BCL2L13: variants seen among roughly 807,000 people sequenced by gnomAD.
BCL2L13 encodes the protein BCL2 like 13, also known as bcl-2-like protein 13.
Under a neutral mutation model 25.8 loss-of-function variants are expected in BCL2L13, and 13 were observed. The observed-to-expected ratio is 0.50, with a 90% confidence interval of 0.33 to 0.80. BCL2L13 has a LOEUF of 0.80. Ranked by LOEUF, BCL2L13 falls within the 30% of genes least tolerant of loss-of-function variation. The pLI, the probability that BCL2L13 is intolerant of heterozygous loss-of-function variation, is 0.02. For missense variants in BCL2L13, 504 were observed against 574.9 expected (o/e 0.88, Z 1.26); for synonymous variants, 244 against 230.3 (o/e 1.06, Z -0.54).
At chr22:17,633,495 C>T (rs558348460) in intron 1 of BCL2L13, among the ~76,000 whole-genome samples, 21 of 152,236 alleles carry the variant, frequency 1.4e-4, no homozygotes, top group Middle Eastern at 3.4e-3. Context: ...CCTAGATAAG[C>T]CTATTTGTGG....
chr22:17,666,699 T>A (rs979062622), intron 2 of BCL2L13, among the ~76,000 whole-genome samples: 17 of 150,756 alleles, frequency 1.1e-4, no homozygotes, highest in African/African-American at 4.1e-4. Context: ...TTTTTTTTTT[T>A]AAGACAGGGT....
At chr22:17,642,794 T>C (rs2058340369) in intron 1 of BCL2L13, among the ~76,000 whole-genome samples, 1 of 151,632 alleles carries the variant, frequency 6.6e-6, no homozygotes, top group Non-Finnish European at 1.5e-5. Flanking sequence ...ATGGGGTTTT[T>C]CCATGTTGCT....
Position 17,639,852 on chromosome 22 carries a change from CTTT to C in BCL2L13, c.-51+967_-51+969del, listed in dbSNP as rs761839860. On this transcript the variant is annotated intron_variant, in intron 1 of 6. Coordinates refer to ENST00000317582, the MANE Select transcript of BCL2L13 (RefSeq NM_015367.4). ...AGTTGCCACACCCTTCAGATACCTT[CTTT>C]CTTTTTTTTTTTTTTTGAGACAGAG... 8.0e-3 allele frequency among the ~76,000 whole-genome samples: 1,145 copies of C among 143,744 alleles called. 4 individuals are homozygous for C. Among genetic ancestry groups the C allele is most frequent in the Non-Finnish European group, 0.013 (842 of 66,104 alleles). The allele number at this position is 143,744 out of a possible 152,430, so 94.3% of individuals were successfully genotyped here. A position where few individuals can be genotyped will look rare whatever the true frequency, so the allele number is the denominator to read the frequency against.
intron 2 of BCL2L13, among the ~76,000 whole-genome samples, chr22:17,662,058 T>A (rs2587087): frequency 0.87 from 133,036 of 152,174 alleles, 58,469 homozygotes; most frequent in African/African-American, 0.97. Context: ...AATTGACATT[T>A]TTTCAGGGAT....
rs533589244 is a variant in BCL2L13 at position 17,659,656 on chromosome 22, G to A, written c.121+3824G>A. ...AGCCTGGGCGACAGAACGAGACTCCGTCAAAAAACAAAACAAAACAAAACA... is the reference window on the plus strand; with the variant it reads ...AGCCTGGGCGACAGAACGAGACTCCATCAAAAAACAAAACAAAACAAAACA... On this transcript the variant is annotated intron_variant, in intron 2 of 6. Transcript: ENST00000317582. Among the ~76,000 whole-genome samples, 264 of 142,138 alleles carry A rather than the reference G, an allele frequency of 1.9e-3. 10 individuals carry two copies. The highest frequency in any genetic ancestry group is 6.3e-3 in the African/African-American group (249 of 39,366). The allele number at this position is 142,138 out of a possible 152,430, so 93.2% of individuals were successfully genotyped here. A position where few individuals can be genotyped will look rare whatever the true frequency, so the allele number is the denominator to read the frequency against.
intron 5 of BCL2L13, among the ~76,000 whole-genome samples, chr22:17,696,520 G>A (rs980394315): frequency 6.6e-6 from 1 of 152,146 alleles, no homozygotes; most frequent in African/African-American, 2.4e-5. Flanking sequence ...ACATGTGAGT[G>A]TGTCTTGGGG....
At position 17,650,761 on chromosome 22, in the gene BCL2L13, G is replaced by A. The variant is rs993818508; in HGVS notation, c.-50-4901G>A. ...CTTGCTCTGTCACCCAGGCTGGAGT[G>A]CAGTGGTGCAGTCCAGGCTCACTGC... On this transcript the variant is annotated intron_variant, in intron 1 of 6. Coordinates refer to ENST00000317582, the MANE Select transcript of BCL2L13 (RefSeq NM_015367.4). Among the ~76,000 whole-genome samples the A allele has an allele frequency of 3.3e-5, 5 of 152,058 alleles. No homozygotes were observed. The East Asian group carries it at 9.6e-4, about 29-fold the overall frequency.
upstream of BCL2L13, among the ~76,000 whole-genome samples, chr22:17,637,004 G>A (rs2058119401): frequency 6.6e-6 from 1 of 152,158 alleles, no homozygotes; most frequent in South Asian, 2.1e-4. Context: ...CGGGCGCGGT[G>A]GCGCACCCCT....
chr22:17,698,728 GA>G (rs985152243), intron 5 of BCL2L13, among the ~76,000 whole-genome samples: 1 of 151,386 alleles, frequency 6.6e-6, no homozygotes. Flanking sequence ...GACTGTCTCA[GA>G]AAAAAAAGAA....
intron 6 of BCL2L13, among the ~76,000 whole-genome samples, chr22:17,720,063 T>A (rs1022797268): frequency 6.6e-6 from 1 of 152,102 alleles, no homozygotes; most frequent in African/African-American, 2.4e-5. Context: ...TTTGGGATGA[T>A]GGAAATTTTC....
At chr22:17,692,075 C>G (rs1271304056) in intron 4 of BCL2L13, among the ~76,000 whole-genome samples, 1 of 152,124 alleles carries the variant, frequency 6.6e-6, no homozygotes, top group Non-Finnish European at 1.5e-5. Flanking sequence ...ACGTTGAAGG[C>G]AGTATCGTAA....
At chr22:17,706,585 C>A in intron 6 of BCL2L13, 2 of 869,428 alleles carry the variant, frequency 2.3e-6, no homozygotes, top group South Asian at 6.5e-5. Context: ...TTTTCACATG[C>A]GTCTCTGAAG....
intron 6 of BCL2L13, among the ~76,000 whole-genome samples, chr22:17,721,995 T>G (rs1219982444): frequency 6.6e-6 from 1 of 152,210 alleles, no homozygotes; most frequent in African/African-American, 2.4e-5. Flanking sequence ...TCTTGTTACC[T>G]TGCCCCTTAG....
rs553876479 is a variant in BCL2L13, at chr22:17,691,678, T to A, written c.386+2536T>A. Among the ~76,000 whole-genome samples, 3 of 152,290 alleles carry A rather than the reference T, an allele frequency of 2.0e-5. No homozygotes were observed. In the South Asian group the frequency reaches 6.2e-4, roughly 32 times the overall value. On this transcript the variant is annotated intron_variant, in intron 4 of 6. Coordinates refer to ENST00000317582, the MANE Select transcript of BCL2L13 (RefSeq NM_015367.4). ...AAAAAAAAAGAATCTTTTTCCAAAT[T>A]TGATACAGACTTTGGCTTGGAGCAA...
chr22:17,689,042 C>G lies in BCL2L13; in HGVS notation c.286C>G (p.Pro96Ala), dbSNP rs368137051. ...HTSPVFSPAN[P>A]ESSMEDCLAH... ...TTCTCCAGTGTTCAGCCCTGCCAAT[C>G]CAGAAAGCTCAATGGAAGACTGCTT... is the stretch of plus-strand genomic sequence containing the variant. Residue 96 changes from proline to alanine, a missense_variant, in exon 4 of 7, where the codon CCA (proline) becomes GCA (alanine). By Grantham distance (27) the Pro-to-Ala change is conservative (BLOSUM62 -1). Coordinates refer to ENST00000317582, the MANE Select transcript of BCL2L13 (RefSeq NM_015367.4). 2 of 1,614,138 alleles carry G rather than the reference C, an allele frequency of 1.2e-6. No homozygotes were observed. Among genetic ancestry groups the G allele is most frequent in the East Asian group, 2.2e-5 (1 of 44,880 alleles).
At chr22:17,644,725 G>A (rs2058413158) in intron 1 of BCL2L13, among the ~76,000 whole-genome samples, 1 of 151,000 alleles carries the variant, frequency 6.6e-6, no homozygotes, top group African/African-American at 2.5e-5. Flanking sequence ...GGGTGTTTTG[G>A]TTTTCGTTCT....
chr22:17,674,202 G>T (rs541499737), intron 2 of BCL2L13, among the ~76,000 whole-genome samples: 1 of 152,280 alleles, frequency 6.6e-6, no homozygotes, highest in East Asian at 1.9e-4. Context: ...TTGAAGTAGA[G>T]AGTTACATTG....
intron 6 of BCL2L13, chr22:17,703,296 T>C (rs1238136392): frequency 6.6e-6 from 1 of 152,242 alleles, no homozygotes; most frequent in Non-Finnish European, 1.5e-5. Flanking sequence ...ATTTAATCAG[T>C]CTTAATAATA....
intron 1 of BCL2L13, among the ~76,000 whole-genome samples, chr22:17,654,692 A>G (rs1179939254): frequency 2.0e-5 from 3 of 151,682 alleles, no homozygotes; most frequent in Admixed American, 2.0e-4. Flanking sequence ...CCAAAGTGCT[A>G]GGATTACAGG....
Sources: allele counts gnomAD v4.1 joint callset (sites outside exome capture counted in the v4.1 genomes callset), GRCh38; gene constraint gnomAD v4.1.1; transcripts MANE v1.5; gene names NCBI Gene and HGNC (gene_info 2026-07-23, HGNC 2026-07-21).